The following WDR5B variants were observed in gnomAD, a reference collection of about 807,000 sequenced individuals.
WDR5B encodes the protein WD repeat domain 5B, also known as WD repeat-containing protein 5B.
A neutral mutation model predicts 24.0 loss-of-function variants in WDR5B; 17 were observed. The ratio of observed to expected loss-of-function variants is 0.71; its 90% CI spans 0.49 to 1.06. WDR5B has a LOEUF of 1.06. WDR5B is among the 50% of genes least tolerant of loss of function. WDR5B has a pLI of 0.00. For missense variants in WDR5B, 368 were observed against 384.1 expected (o/e 0.96, Z 0.35); for synonymous variants, 150 against 146.4 (o/e 1.02, Z -0.18).
Position 122,414,862 on chromosome 3 carries a change from T to C in WDR5B, c.667A>G (p.Lys223Glu). ...VSFVKFSPNG[K>E]YILTATLDNT... ...TCCAAAGTTGCAGTGAGAATGTATTTACCATTTGGAGAAAATTTTACAAAA... is the reference window on the plus strand; with the variant it reads ...TCCAAAGTTGCAGTGAGAATGTATTCACCATTTGGAGAAAATTTTACAAAA... The change falls in exon 1 of 1, where the codon AAA becomes GAA. Residue 223 changes from lysine (K) to glutamate (E), a missense_variant. Coordinates refer to ENST00000330689, the MANE Select transcript of WDR5B (RefSeq NM_019069.4). 6.2e-7 allele frequency: 1 copy of C among 1,614,208 alleles called. No homozygotes were observed. The highest frequency in any genetic ancestry group is 8.5e-7 in the Non-Finnish European group (1 of 1,180,048).
chr3:122,415,147 CAT>C lies in WDR5B; in HGVS notation c.380_381del (p.Tyr127CysfsTer5), dbSNP rs751156242. ...GGCGGATTGAAGTTACAACAAAAGACATAATTACTGTGCCCCTTCAGTGTTTT... is the reference window on the plus strand; with the variant it reads ...GGCGGATTGAAGTTACAACAAAAGACAATTACTGTGCCCCTTCAGTGTTTT... ...CLKTLKGHSN[Y>X]VFCCNFNPPS... is the part of the protein sequence containing the mutation. On this transcript the variant is annotated frameshift_variant, in exon 1 of 1. Transcript: ENST00000330689. LOFTEE classifies it high-confidence loss of function. 1.9e-5 allele frequency: 30 copies of C among 1,614,066 alleles called. No individual in the cohort carries two copies. In the East Asian group the frequency reaches 6.2e-4, roughly 34 times the overall value.
rs2075729924 is a variant in WDR5B, at chr3:122,415,405, C to G, written c.124G>C (p.Glu42Gln). Residue 42 changes from glutamate to glutamine, a missense_variant, in exon 1 of 1, where the codon GAA (glutamate) becomes CAA (glutamine). By Grantham distance (29) the Glu-to-Gln change is conservative (BLOSUM62 2). Transcript: ENST00000330689. ...CTAAACTTAACTGATGACACTGCTTCCGTGTGTCCCACAAGAGTACATTTG... is the reference window on the plus strand; with the variant it reads ...CTAAACTTAACTGATGACACTGCTTGCGTGTGTCCCACAAGAGTACATTTG... ...ALKCTLVGHT[E>Q]AVSSVKFSPN... 2 of 1,614,126 alleles carry G rather than the reference C, an allele frequency of 1.2e-6. No homozygotes were observed. The highest frequency in any genetic ancestry group is 2.2e-5 in the South Asian group (2 of 91,092).
At position 122,413,503 on chromosome 3, in the gene WDR5B, T is replaced by C. The variant is rs1349648408; in HGVS notation, c.*1033A>G. 1 of 152,176 alleles carries C rather than the reference T, an allele frequency of 6.6e-6. No individual in the cohort carries two copies. The highest frequency in any genetic ancestry group is 6.5e-5 in the Admixed American group (1 of 15,268). 9.4% of individuals were successfully genotyped at this position (152,176 alleles called of 1,614,324 possible). A position where few individuals can be genotyped will look rare whatever the true frequency, so the allele number is the denominator to read the frequency against. ...CCTGTAATCCTAGCTACCTGGGATGTTGAGACATGAGAACTGCTTGAACCC... is the reference window on the plus strand; with the variant it reads ...CCTGTAATCCTAGCTACCTGGGATGCTGAGACATGAGAACTGCTTGAACCC... On this transcript the variant is annotated 3_prime_UTR_variant, in exon 1 of 1. Coordinates refer to ENST00000330689, the MANE Select transcript of WDR5B (RefSeq NM_019069.4).
Position 122,414,805 on chromosome 3 carries a change from CT to C in WDR5B, c.723del (p.Gly242AlafsTer4). ...DNTLKLWDYS[R>X]GRCLKTYTGH... ...CCAGTGTATGTTTTCAGGCACCTGC[CT>C]CTGCTATAATCCCATAGTTTAAGAG... On this transcript the variant is annotated frameshift_variant, in exon 1 of 1. Coordinates refer to ENST00000330689, the MANE Select transcript of WDR5B (RefSeq NM_019069.4). LOFTEE classifies it high-confidence loss of function. 1.2e-6 allele frequency: 2 copies of C among 1,614,146 alleles called. No individual in the cohort carries two copies. The highest frequency in any genetic ancestry group is 1.7e-6 in the Non-Finnish European group (2 of 1,180,036).
chr3:122,415,025 G>A lies in WDR5B; in HGVS notation c.504C>T (p.Asp168=). 6.2e-7 allele frequency: 1 copy of A among 1,614,148 alleles called. No individual in the cohort carries two copies. Among genetic ancestry groups the A allele is most frequent in the Non-Finnish European group, 8.5e-7 (1 of 1,180,044 alleles). ...AATTAAAATGAACAGCAGAAACTGG[G>A]TCAGAATGAGCAGACAAAGTCTTGA... ...KCLKTLSAHS[D]PVSAVHFNCS... Residue 168 remains aspartate (D), a synonymous_variant, in exon 1 of 1, where the codon GAC becomes GAT. Coordinates refer to ENST00000330689, the MANE Select transcript of WDR5B (RefSeq NM_019069.4).
In WDR5B at chr3:122,415,663, A is replaced by C; in HGVS notation, c.-135T>G. The C allele has an allele frequency of 8.4e-7, 1 of 1,190,432 alleles. No individual in the cohort carries two copies. Among genetic ancestry groups the C allele is most frequent in the Non-Finnish European group, 1.2e-6 (1 of 857,306 alleles). 73.7% of individuals were successfully genotyped at this position (1,190,432 alleles called of 1,614,324 possible). On this transcript the variant is annotated 5_prime_UTR_variant, in exon 1 of 1. Coordinates refer to ENST00000330689, the MANE Select transcript of WDR5B (RefSeq NM_019069.4). Reference sequence around the variant, plus strand: ...AAAATGTACAGTTTTGAAAGCTTAAAGTTTCTGGACAGTCTTTAAACTGTG... The same window carrying C: ...AAAATGTACAGTTTTGAAAGCTTAACGTTTCTGGACAGTCTTTAAACTGTG...
At position 122,415,569 on chromosome 3, in the gene WDR5B, G is replaced by T; in HGVS notation, c.-41C>A. ...AGTTAGCAGGTGTACTAGGCGTTCA[G>T]CCCTGAACCAGGCAGTCCAGTACTT... is the stretch of plus-strand genomic sequence containing the variant. On this transcript the variant is annotated 5_prime_UTR_variant, in exon 1 of 1. The change creates a new upstream start codon in the 5' untranslated region. Transcript: ENST00000330689. 1 of 1,566,380 alleles carries T rather than the reference G, an allele frequency of 6.4e-7. No homozygotes were observed. Among genetic ancestry groups the T allele is most frequent in the Non-Finnish European group, 8.6e-7 (1 of 1,159,258 alleles).
Position 122,414,118 on chromosome 3 carries a change from G to A in WDR5B, c.*418C>T, listed in dbSNP as rs1067. The A allele has an allele frequency of 0.16, 26,361 of 166,518 alleles. 2,309 individuals are homozygous for A. Among genetic ancestry groups the A allele is most frequent in the Middle Eastern group, 0.31 (98 of 316 alleles). The allele number at this position is 166,518 out of a possible 1,614,324, so 10.3% of individuals were successfully genotyped here. A position where few individuals can be genotyped will look rare whatever the true frequency, so the allele number is the denominator to read the frequency against. ...AGAAAGTCAAAAACCACATGTTCTCGTAAGTGGGAGATAAACAATGTGTAC... is the reference window on the plus strand; with the variant it reads ...AGAAAGTCAAAAACCACATGTTCTCATAAGTGGGAGATAAACAATGTGTAC... On this transcript the variant is annotated 3_prime_UTR_variant, in exon 1 of 1. Transcript: ENST00000330689.
In WDR5B at chr3:122,416,037, T is replaced by C. The variant is rs1259255348; in HGVS notation, c.-509A>G. The stretch of plus-strand genomic sequence containing the variant: ...TGGAAACTCTGGCCTGTCGGCTACT[T>C]TTGCTCGTACCAGCAGGTGTGCACT... On this transcript the variant is annotated 5_prime_UTR_variant, in exon 1 of 1. Transcript: ENST00000330689. 2 of 167,930 alleles carry C rather than the reference T, an allele frequency of 1.2e-5. No homozygotes were observed. The highest frequency in any genetic ancestry group is 1.3e-4 in the Admixed American group (2 of 15,316). 10.4% of individuals were successfully genotyped at this position (167,930 alleles called of 1,614,324 possible). A position where few individuals can be genotyped will look rare whatever the true frequency, so the allele number is the denominator to read the frequency against.
chr3:122,414,604 C>T lies in WDR5B; in HGVS notation c.925G>A (p.Glu309Lys). Residue 309 changes from glutamate to lysine, a missense_variant, in exon 1 of 1, where the codon GAA (glutamate) becomes AAA (lysine). By Grantham distance (56) the Glu-to-Lys change is moderately conservative. Coordinates refer to ENST00000330689, the MANE Select transcript of WDR5B (RefSeq NM_019069.4). The stretch of plus-strand genomic sequence containing the variant: ...AATGCTGCTGATGCGATGAGGTTTT[C>T]TGTAGGATGACAAGCTGCTGAGATC... ...VVISAACHPT[E>K]NLIASAALEN... 6.2e-7 allele frequency: 1 copy of T among 1,614,174 alleles called. No homozygotes were observed. The highest frequency in any genetic ancestry group is 8.5e-7 in the Non-Finnish European group (1 of 1,180,042).
chr3:122,415,024 G>A lies in WDR5B; in HGVS notation c.505C>T (p.Pro169Ser), dbSNP rs2075726864. 6.2e-7 allele frequency: 1 copy of A among 1,614,092 alleles called. No homozygotes were observed. Among genetic ancestry groups the A allele is most frequent in the Non-Finnish European group, 8.5e-7 (1 of 1,180,028 alleles). Residue 169 changes from proline to serine, a missense_variant, in exon 1 of 1, where the codon CCA becomes TCA. Physicochemically the swap from Pro to Ser is moderately conservative, Grantham distance 74. Transcript: ENST00000330689. ...CLKTLSAHSDPVSAVHFNCSG... is the reference protein window; with the variant it reads ...CLKTLSAHSDSVSAVHFNCSG... ...CAATTAAAATGAACAGCAGAAACTG[G>A]GTCAGAATGAGCAGACAAAGTCTTG...
rs1393367964 is a variant in WDR5B, at chr3:122,414,359, G to A, written c.*177C>T. The A allele has an allele frequency of 2.5e-6, 2 of 796,706 alleles. No individual in the cohort carries two copies. Among genetic ancestry groups the A allele is most frequent in the Non-Finnish European group, 3.8e-6 (2 of 526,036 alleles). 49.4% of individuals were successfully genotyped at this position (796,706 alleles called of 1,614,324 possible). A position where few individuals can be genotyped will look rare whatever the true frequency, so the allele number is the denominator to read the frequency against. On this transcript the variant is annotated 3_prime_UTR_variant, in exon 1 of 1. Coordinates refer to ENST00000330689, the MANE Select transcript of WDR5B (RefSeq NM_019069.4). Reference sequence around the variant, plus strand: ...GCTCAAAAAAGATTGGTAGTCAGAAGCTGAATTCTAGATGTGCTTTTTCAA... The same window carrying A: ...GCTCAAAAAAGATTGGTAGTCAGAAACTGAATTCTAGATGTGCTTTTTCAA...
chr3:122,414,395 TTGTAAA>T lies in WDR5B; in HGVS notation c.*135_*140del, dbSNP rs1284001993. The T allele has an allele frequency of 4.8e-6, 5 of 1,032,038 alleles. No homozygotes were observed. Among genetic ancestry groups the T allele is most frequent in the African/African-American group, 1.6e-5 (1 of 61,782 alleles). The allele number at this position is 1,032,038 out of a possible 1,614,324, so 63.9% of individuals were successfully genotyped here. On this transcript the variant is annotated 3_prime_UTR_variant, in exon 1 of 1. Transcript: ENST00000330689. Reference sequence around the variant, plus strand: ...GATGTGCTTTTTCAACTATCTCATTTTGTAAATGTAGTGTATGAATCTCAAAATTTA... The same window carrying T: ...GATGTGCTTTTTCAACTATCTCATTTTGTAGTGTATGAATCTCAAAATTTA...
Position 122,414,791 on chromosome 3 carries a change from T to G in WDR5B, c.738A>C (p.Lys246Asn). The change falls in exon 1 of 1, where the codon AAA becomes AAC. Residue 246 changes from lysine (K) to asparagine (N), a missense_variant. Coordinates refer to ENST00000330689, the MANE Select transcript of WDR5B (RefSeq NM_019069.4). Reference protein sequence around the residue: ...LWDYSRGRCLKTYTGHKNEKY... With the variant: ...LWDYSRGRCLNTYTGHKNEKY... ...TCTCATTCTTATGACCAGTGTATGT[T>G]TTCAGGCACCTGCCTCTGCTATAAT... 1 of 1,614,190 alleles carries G rather than the reference T, an allele frequency of 6.2e-7. No individual in the cohort carries two copies. Among genetic ancestry groups the G allele is most frequent in the Non-Finnish European group, 8.5e-7 (1 of 1,180,044 alleles).
At position 122,415,035 on chromosome 3, in the gene WDR5B, GCAGA is replaced by G. The variant is rs760800500; in HGVS notation, c.490_493del (p.Ser164LeufsTer17). On this transcript the variant is annotated frameshift_variant, in exon 1 of 1. Transcript: ENST00000330689. LOFTEE classifies it high-confidence loss of function. ...AACAGCAGAAACTGGGTCAGAATGAGCAGACAAAGTCTTGAGACACTTTCCTGTT... is the reference window on the plus strand; with the variant it reads ...AACAGCAGAAACTGGGTCAGAATGAGCAAAGTCTTGAGACACTTTCCTGTT... 125 of 1,614,088 alleles carry G rather than the reference GCAGA, an allele frequency of 7.7e-5. 1 individual carries two copies. The South Asian group carries it at 9.0e-4, about 12-fold the overall frequency.
Position 122,415,454 on chromosome 3 carries a change from C to T in WDR5B, c.75G>A (p.Val25=), listed in dbSNP as rs2075730348. ...TGAGAGCATAGTTTGGGTTTTCAGGCACTTCCTTGCTCTGATTGGCCGATG... is the reference window on the plus strand; with the variant it reads ...TGAGAGCATAGTTTGGGTTTTCAGGTACTTCCTTGCTCTGATTGGCCGATG... The part of the protein sequence containing the change: ...LSSSANQSKE[V]PENPNYALKC... The change falls in exon 1 of 1, where the codon GTG becomes GTA. Residue 25 remains valine, a synonymous_variant. Transcript: ENST00000330689. 7.4e-6 allele frequency: 12 copies of T among 1,614,210 alleles called. No homozygotes were observed. The East Asian group carries it at 8.9e-5, about 12-fold the overall frequency.
At position 122,414,688 on chromosome 3, in the gene WDR5B, T is replaced by C. The variant is rs750984921; in HGVS notation, c.841A>G (p.Ile281Val). 6 of 1,614,086 alleles carry C rather than the reference T, an allele frequency of 3.7e-6. No individual in the cohort carries two copies. The African/African-American group carries it at 4.0e-5, about 11-fold the overall frequency. ...ATCTCTTTAGTCTGAAGGTTCCAAA[T>C]GTAAACCAGGTTATCCTCGGAACCA... ...VSGSEDNLVY[I>V]WNLQTKEIVQ... Residue 281 changes from isoleucine to valine, a missense_variant, in exon 1 of 1, where the codon ATT (isoleucine) becomes GTT (valine). Physicochemically the swap from Ile to Val is conservative, Grantham distance 29 (BLOSUM62 3). Coordinates refer to ENST00000330689, the MANE Select transcript of WDR5B (RefSeq NM_019069.4).
chr3:122,411,956 A>T lies in WDR5B; in HGVS notation c.*2580T>A, dbSNP rs549158488. On this transcript the variant is annotated 3_prime_UTR_variant, in exon 1 of 1. Transcript: ENST00000330689. Reference sequence around the variant, plus strand: ...CTCATTTGTGTTATTCTCCTATTTGATAACATATAGTGACTATCTCTTTAT... The same window carrying T: ...CTCATTTGTGTTATTCTCCTATTTGTTAACATATAGTGACTATCTCTTTAT... 1 of 152,306 alleles carries T rather than the reference A, an allele frequency of 6.6e-6. No individual in the cohort carries two copies. Among genetic ancestry groups the T allele is most frequent in the African/African-American group, 2.4e-5 (1 of 41,566 alleles). The allele number at this position is 152,306 out of a possible 1,614,324, so 9.4% of individuals were successfully genotyped here. A position where few individuals can be genotyped will look rare whatever the true frequency, so the allele number is the denominator to read the frequency against.
At position 122,415,690 on chromosome 3, in the gene WDR5B, G is replaced by T. The variant is rs2075731844; in HGVS notation, c.-162C>A. ...TTTCTGGACAGTCTTTAAACTGTGA[G>T]ACGGAATCAGCAGCACGGCTTGGAC... On this transcript the variant is annotated 5_prime_UTR_variant, in exon 1 of 1. Coordinates refer to ENST00000330689, the MANE Select transcript of WDR5B (RefSeq NM_019069.4). The T allele has an allele frequency of 1.2e-6, 1 of 847,752 alleles. No homozygotes were observed. The highest frequency in any genetic ancestry group is 1.8e-6 in the Non-Finnish European group (1 of 565,944). 52.5% of individuals were successfully genotyped at this position (847,752 alleles called of 1,614,324 possible). A position where few individuals can be genotyped will look rare whatever the true frequency, so the allele number is the denominator to read the frequency against.
Sources: allele counts gnomAD v4.1 joint callset, GRCh38; gene constraint gnomAD v4.1.1; transcripts MANE v1.5; gene names NCBI Gene and HGNC (gene_info 2026-07-23, HGNC 2026-07-21).